JAG1: variants seen among roughly 807,000 people sequenced by gnomAD.
The protein encoded by JAG1 is protein jagged-1.
Under a neutral mutation model 148.7 loss-of-function variants are expected in JAG1, and 23 were observed. That is an observed-to-expected ratio of 0.15 (90% CI 0.11 to 0.22). The LOEUF (loss-of-function observed/expected upper bound fraction) is 0.22. Ranked by LOEUF, JAG1 falls within the 10% of genes least tolerant of loss-of-function variation. The probability of loss-of-function intolerance (pLI) is 1.00; values close to 1 mark genes in which losing one functional copy is unlikely to be tolerated. For synonymous variants in JAG1, 572 were observed against 598.3 expected (o/e 0.96, Z 0.64); for missense variants, 1,054 against 1,611.2 (o/e 0.65, Z 5.92).
Position 10,649,616 on chromosome 20 carries a change from G to C in JAG1, c.1254C>G (p.Ala418=), listed in dbSNP as rs1024248881. 1.2e-6 allele frequency: 2 copies of C among 1,611,638 alleles called. No homozygotes were observed. The highest frequency in any genetic ancestry group is 1.6e-4 in the Middle Eastern group (1 of 6,080). Residue 418 remains alanine, a synonymous_variant, in exon 10 of 26, where the codon GCC becomes GCG. Transcript: ENST00000254958. ...TCQLDANECE[A]KPCVNAKSCK... is the part of the protein sequence containing the mutation. ...AGGATTTGGCGTTTACACAAGGTTT[G>C]GCCTCACATTCATTTGCATCTGAAA...
intron 20 of JAG1, 62 bp downstream of exon 20, chr20:10,643,716 G>T: frequency 1.6e-6 from 2 of 1,269,404 alleles, no homozygotes; most frequent in Non-Finnish European, 2.3e-6. Flanking sequence ...TGAAAGTCTT[G>T]GGGTGAGGCA....
In JAG1 at chr20:10,651,658, C is replaced by G; in HGVS notation, c.1043G>C (p.Arg348Thr). The change falls in exon 8 of 26, where the codon AGA becomes ACA. Residue 348 changes from arginine (R) to threonine (T), a missense_variant. Arg to Thr is a moderately conservative substitution (Grantham distance 71, BLOSUM62 -1). Around this residue, in one of 6 missense-constraint regions of JAG1, gnomAD observed 245 missense variants for 373.1 expected, o/e 0.66. Coordinates refer to ENST00000254958, the MANE Select transcript of JAG1 (RefSeq NM_000214.3). The part of the protein sequence containing the change: ...HACLSDPCHN[R>T]GSCKETSLGF... ...CAGGGAGGTCTCCTTACAGCTGCCT[C>G]TGTTGTGACAGGGATCAGAGAGGCA... 6.2e-7 allele frequency: 1 copy of G among 1,614,104 alleles called. No individual in the cohort carries two copies. Among genetic ancestry groups the G allele is most frequent in the Non-Finnish European group, 8.5e-7 (1 of 1,179,970 alleles).
chr20:10,660,985 C>A (rs3748479), intron 3 of JAG1, among the ~76,000 whole-genome samples: 52,178 of 151,994 alleles, frequency 0.34, 9,322 homozygotes, highest in East Asian at 0.45. Flanking sequence ...GGGCCTTAGC[C>A]GAGAAAGCTA....
intron 2 of JAG1, among the ~76,000 whole-genome samples, chr20:10,666,333 A>G (rs1427052820): frequency 3.9e-5 from 6 of 152,144 alleles, no homozygotes; most frequent in Non-Finnish European, 7.4e-5. Flanking sequence ...ACATCCCTGA[A>G]CATACACCCA....
rs1251196860 is a variant in JAG1 at position 10,645,935 on chromosome 20, T to C, written c.1999+36A>G. 1.4e-6 allele frequency: 2 copies of C among 1,396,284 alleles called. No homozygotes were observed. The highest frequency in any genetic ancestry group is 1.0e-6 in the Non-Finnish European group (1 of 981,270). 86.5% of individuals were successfully genotyped at this position (1,396,284 alleles called of 1,614,324 possible). A position where few individuals can be genotyped will look rare whatever the true frequency, so the allele number is the denominator to read the frequency against. On this transcript the variant is annotated intron_variant, in intron 15 of 25. Coordinates refer to ENST00000254958, the MANE Select transcript of JAG1 (RefSeq NM_000214.3). The surrounding 1 kb of genome is among the most constrained non-coding windows in gnomAD (Gnocchi z 6.1). ...AGTGGGATCCCTCCAACATGACCCA[T>C]ACATCCCAGAGCTCCCCAAAGAGTG... is the stretch of plus-strand genomic sequence containing the variant.
intron 2 of JAG1, among the ~76,000 whole-genome samples, chr20:10,665,489 C>T (rs891688265): frequency 6.6e-5 from 10 of 152,144 alleles, no homozygotes; most frequent in South Asian, 2.1e-4. Context: ...ATTTTATTAG[C>T]GAAAGTTATA....
chr20:10,641,492 T>C lies in JAG1; in HGVS notation c.2884A>G (p.Thr962Ala), dbSNP rs527420845. 4.6e-5 allele frequency: 75 copies of C among 1,613,908 alleles called. No homozygotes were observed. In the South Asian group the frequency reaches 6.6e-4, roughly 14 times the overall value. ...SYYQDNCANI[T>A]FTFNKEMMSP... ...ATCATCTCCTTGTTAAAGGTAAATG[T>C]GATGTTCGCACAGTTATCCTGGTAA... Residue 962 changes from threonine (T) to alanine (A), a missense_variant, in exon 23 of 26, where the codon ACA (threonine) becomes GCA (alanine). Thr to Ala is a moderately conservative substitution (Grantham distance 58). Around this residue, in one of 6 missense-constraint regions of JAG1, gnomAD observed 342 missense variants for 514.6 expected, o/e 0.66. Coordinates refer to ENST00000254958, the MANE Select transcript of JAG1 (RefSeq NM_000214.3).
chr20:10,641,267 A>C, intron 23 of JAG1, 23 bp from the exon 24 acceptor site: 2 of 1,612,506 alleles, frequency 1.2e-6, no homozygotes, highest in South Asian at 2.2e-5. Context: ...TTAAAAACCC[A>C]CACACGTGTA....
At chr20:10,659,230 G>A (rs2067398046) in intron 3 of JAG1, among the ~76,000 whole-genome samples, 2 of 152,232 alleles carry the variant, frequency 1.3e-5, no homozygotes, top group African/African-American at 4.8e-5. Flanking sequence ...ATGCCTGATA[G>A]GTAAAGAGGT....
intron 24 of JAG1, 34 bp downstream of exon 24, chr20:10,641,079 C>A (rs369736031): frequency 1.2e-6 from 2 of 1,613,910 alleles, no homozygotes; most frequent in Non-Finnish European, 8.5e-7. Context: ...GCCTTGCCAT[C>A]GAATAATGAG....
Position 10,640,107 on chromosome 20 carries a change from T to G in JAG1, c.3200-152A>C, listed in dbSNP as rs554138821. On this transcript the variant is annotated intron_variant, in intron 25 of 25. Coordinates refer to ENST00000254958, the MANE Select transcript of JAG1 (RefSeq NM_000214.3). ...AGTCCCTTTTCATCATTGCATATGG[T>G]CACTTCACAACTTGATAAGCAAATG... 31 of 706,282 alleles carry G rather than the reference T, an allele frequency of 4.4e-5. No individual in the cohort carries two copies. In the East Asian group the frequency reaches 8.3e-4, roughly 19 times the overall value. 43.8% of individuals were successfully genotyped at this position (706,282 alleles called of 1,614,324 possible). A position where few individuals can be genotyped will look rare whatever the true frequency, so the allele number is the denominator to read the frequency against.
chr20:10,673,328 C>T lies in JAG1; in HGVS notation c.81+122G>A. 1.3e-6 allele frequency: 1 copy of T among 778,378 alleles called. No homozygotes were observed. The highest frequency in any genetic ancestry group is 2.0e-6 in the Non-Finnish European group (1 of 494,810). The allele number at this position is 778,378 out of a possible 1,614,324, so 48.2% of individuals were successfully genotyped here. A position where few individuals can be genotyped will look rare whatever the true frequency, so the allele number is the denominator to read the frequency against. ...CTCAGCCCAGGTGCAGCCGCTCGGGCGCAGGGGCGAGGAGTCGGGCGCTCG... is the reference window on the plus strand; with the variant it reads ...CTCAGCCCAGGTGCAGCCGCTCGGGTGCAGGGGCGAGGAGTCGGGCGCTCG... On this transcript the variant is annotated intron_variant, in intron 1 of 25. Coordinates refer to ENST00000254958, the MANE Select transcript of JAG1 (RefSeq NM_000214.3). This position sits in a 1 kb window ranked among gnomAD's most constrained non-coding sequence, Gnocchi z 4.7.
chr20:10,651,382 C>A (rs771000075), intron 8 of JAG1, 199 bp downstream of exon 8: 13 of 569,990 alleles, frequency 2.3e-5, no homozygotes, highest in Non-Finnish European at 3.8e-5. Context: ...CAGATACATG[C>A]GCTACCTTAG....
In JAG1 at chr20:10,673,384, C is replaced by A; in HGVS notation, c.81+66G>T. The A allele has an allele frequency of 8.2e-7, 1 of 1,217,908 alleles. No individual in the cohort carries two copies. The highest frequency in any genetic ancestry group is 1.1e-6 in the Non-Finnish European group (1 of 900,266). 75.4% of individuals were successfully genotyped at this position (1,217,908 alleles called of 1,614,324 possible). On this transcript the variant is annotated intron_variant, in intron 1 of 25. Transcript: ENST00000254958. The surrounding 1 kb of genome is among the most constrained non-coding windows in gnomAD (Gnocchi z 4.7). ...TGCCGAGCCTGCTCGCGGGGCTCAA[C>A]CGCCCAGGGCGCCGCGAGGGGAGGG...
At position 10,659,090 on chromosome 20, in the gene JAG1, A is replaced by AT. The variant is rs368770353; in HGVS notation, c.440-369dup. ...GATACTCTAGAAATGGAAGTGCTGA[A>AT]TCAGAGTCCGTGCACAACAAATCAA... On this transcript the variant is annotated intron_variant, in intron 3 of 25. Coordinates refer to ENST00000254958, the MANE Select transcript of JAG1 (RefSeq NM_000214.3). 2.9e-3 allele frequency among the ~76,000 whole-genome samples: 449 copies of AT among 152,354 alleles called. 3 individuals carry two copies. Among genetic ancestry groups the AT allele is most frequent in the African/African-American group, 0.01 (419 of 41,582 alleles).
At chr20:10,650,194 G>T in intron 9 of JAG1, 53 bp downstream of exon 9, 1 of 1,176,116 alleles carries the variant, frequency 8.5e-7, no homozygotes, top group South Asian at 1.2e-5. Flanking sequence ...TAATGGCTTT[G>T]ACAATCAAAG....
At chr20:10,667,218 C>T (rs915642630) in intron 2 of JAG1, among the ~76,000 whole-genome samples, 9 of 152,312 alleles carry the variant, frequency 5.9e-5, no homozygotes, top group Middle Eastern at 3.4e-3. Flanking sequence ...CAGGCTGCTG[C>T]GACAGGCAGG....
chr20:10,645,029 G>C lies in JAG1; in HGVS notation c.2228-50C>G. The C allele has an allele frequency of 6.5e-7, 1 of 1,529,558 alleles. No homozygotes were observed. Among genetic ancestry groups the C allele is most frequent in the Non-Finnish European group, 9.1e-7 (1 of 1,102,788 alleles). 94.7% of individuals were successfully genotyped at this position (1,529,558 alleles called of 1,614,324 possible). On this transcript the variant is annotated intron_variant, in intron 17 of 25. Transcript: ENST00000254958. This position sits in a 1 kb window ranked among gnomAD's most constrained non-coding sequence, Gnocchi z 6.1. ...CACCCTCCCTGAGTATCCAGAAACA[G>C]TCTGGAGGGGCAAGAACCAGGCCCA...
Position 10,672,732 on chromosome 20 carries a change from C to A in JAG1, c.356G>T (p.Arg119Leu), listed in dbSNP as rs150437578. 6.2e-7 allele frequency: 1 copy of A among 1,612,974 alleles called. No individual in the cohort carries two copies. Among genetic ancestry groups the A allele is most frequent in the South Asian group, 1.1e-5 (1 of 91,088 alleles). Residue 119 changes from arginine (R) to leucine (L), a missense_variant, in exon 2 of 26, where the codon CGC becomes CTC. Transcript: ENST00000254958. ...GGCGAAACTGAAAGGCAGCACGATGCGGTTGCGGTCGTTGCCGCGGCTGGC... is the reference window on the plus strand; with the variant it reads ...GGCGAAACTGAAAGGCAGCACGATGAGGTTGCGGTCGTTGCCGCGGCTGGC... The part of the protein sequence containing the change: ...LKASRGNDRN[R>L]IVLPFSFAWP...
Sources: allele counts gnomAD v4.1 joint callset (sites outside exome capture counted in the v4.1 genomes callset), GRCh38; gene constraint gnomAD v4.1.1; regional missense constraint gnomAD v4.1.1; non-coding constraint Gnocchi (gnomAD v3.1); transcripts MANE v1.5; gene names NCBI Gene and HGNC (gene_info 2026-07-23, HGNC 2026-07-21).